Variants in DCLK2 observed in about 807,000 individuals in gnomAD.
The protein encoded by DCLK2 is doublecortin like kinase 2.
Under a neutral mutation model 78.4 loss-of-function variants are expected in DCLK2, and 31 were observed. The ratio of observed to expected loss-of-function variants is 0.40; its 90% CI spans 0.30 to 0.53. The LOEUF (loss-of-function observed/expected upper bound fraction) is 0.53, where lower values mean the gene tolerates loss of function less well. DCLK2 is among the 20% of genes least tolerant of loss of function. The pLI is 0.61. For synonymous variants in DCLK2, 407 were observed against 374.9 expected (o/e 1.09, Z -0.99); for missense variants, 872 against 973.7 (o/e 0.90, Z 1.39).
chr4:150,220,252 CA>C (rs1423311704), intron 5 of DCLK2, among the ~76,000 whole-genome samples: 1 of 152,004 alleles, frequency 6.6e-6, no homozygotes, highest in Non-Finnish European at 1.5e-5. Context: ...AACAGAACAA[CA>C]AAAAAATTAA....
At chr4:150,100,590 G>A (rs1349678596) in intron 1 of DCLK2, among the ~76,000 whole-genome samples, 1 of 151,692 alleles carries the variant, frequency 6.6e-6, no homozygotes, top group African/African-American at 2.4e-5. Flanking sequence ...CTTATATTTT[G>A]AATCGAAAAT....
intron 2 of DCLK2, among the ~76,000 whole-genome samples, chr4:150,164,235 G>A (rs945359212): frequency 6.6e-6 from 1 of 152,224 alleles, no homozygotes; most frequent in Non-Finnish European, 1.5e-5. Flanking sequence ...GACTTTGGCT[G>A]TTACTGATGA....
At chr4:150,121,019 C>T (rs1375950731) in intron 2 of DCLK2, among the ~76,000 whole-genome samples, 4 of 151,944 alleles carry the variant, frequency 2.6e-5, no homozygotes, top group Non-Finnish European at 4.4e-5. Context: ...TGCAGTGAAC[C>T]GAGACTGCGC....
intron 5 of DCLK2, among the ~76,000 whole-genome samples, chr4:150,216,177 A>G (rs1455586631): frequency 6.6e-6 from 1 of 152,208 alleles, no homozygotes; most frequent in Non-Finnish European, 1.5e-5. Flanking sequence ...TCTGCTTATC[A>G]AAGAAGTTTA....
chr4:150,109,274 A>T (rs1328854403), intron 2 of DCLK2, among the ~76,000 whole-genome samples: 1 of 152,014 alleles, frequency 6.6e-6, no homozygotes, highest in Non-Finnish European at 1.5e-5. Context: ...ATTTTTCCTT[A>T]AAGTAGGTAA....
At chr4:150,168,044 G>A (rs114204668) in intron 2 of DCLK2, among the ~76,000 whole-genome samples, 8,636 of 152,218 alleles carry the variant, frequency 0.057, 387 homozygotes, top group Middle Eastern at 0.17. Context: ...GCATGCCAAC[G>A]TGTAAAACCC....
intron 1 of DCLK2, among the ~76,000 whole-genome samples, chr4:150,090,354 C>T (rs1398791584): frequency 6.6e-6 from 1 of 152,182 alleles, no homozygotes; most frequent in Non-Finnish European, 1.5e-5. Context: ...TGTGGTGATC[C>T]AAGATCGCGC....
chr4:150,147,511 G>A (rs1734565058), intron 2 of DCLK2, among the ~76,000 whole-genome samples: 1 of 152,164 alleles, frequency 6.6e-6, no homozygotes, highest in Non-Finnish European at 1.5e-5. Flanking sequence ...GAAAGTGCAA[G>A]CATCAAAAAT....
chr4:150,080,097 C>G (rs1729133878), intron 1 of DCLK2, among the ~76,000 whole-genome samples: 1 of 146,900 alleles, frequency 6.8e-6, no homozygotes, highest in Admixed American at 6.8e-5. Context: ...GGTTAGGCGT[C>G]TGGAGTCTCA....
intron 1 of DCLK2, among the ~76,000 whole-genome samples, chr4:150,085,294 C>T (rs1216165730): frequency 1.3e-5 from 2 of 152,276 alleles, no homozygotes; most frequent in South Asian, 2.1e-4. Flanking sequence ...CAGAATACCA[C>T]AGACTAGGTA....
chr4:150,079,234 G>A lies in DCLK2; in HGVS notation c.207G>A (p.Lys69=), dbSNP rs533625272. Residue 69 remains lysine (K), a synonymous_variant, in exon 1 of 16, where the codon AAG becomes AAA. Coordinates refer to ENST00000296550, the MANE Select transcript of DCLK2 (RefSeq NM_001040260.4). ...CCCTGCAGGCCCTCAGCTCGGAGAA[G>A]AAGGCCAAGAAGGCGCGCTTCTACC... The part of the protein sequence containing the change: ...TRTLQALSSE[K]KAKKARFYRN... 3 of 1,609,394 alleles carry A rather than the reference G, an allele frequency of 1.9e-6. No individual in the cohort carries two copies. The highest frequency in any genetic ancestry group is 2.2e-5 in the East Asian group (1 of 44,560).
At chr4:150,210,424 A>G (rs971069022) in intron 5 of DCLK2, among the ~76,000 whole-genome samples, 3 of 152,150 alleles carry the variant, frequency 2.0e-5, no homozygotes, top group Non-Finnish European at 2.9e-5. Flanking sequence ...TCTATCACCA[A>G]CTTTTCCTCT....
intron 1 of DCLK2, among the ~76,000 whole-genome samples, chr4:150,093,360 C>CA (rs1327540240): frequency 6.6e-6 from 1 of 152,140 alleles, no homozygotes; most frequent in East Asian, 1.9e-4. Context: ...AGATTCAATG[C>CA]AATTATGAAA....
At chr4:150,135,144 C>T (rs920740117) in intron 2 of DCLK2, among the ~76,000 whole-genome samples, 8 of 137,626 alleles carry the variant, frequency 5.8e-5, no homozygotes, top group African/African-American at 2.0e-4. Context: ...GGAAAAAAAA[C>T]ACCTGCCTCT....
intron 4 of DCLK2, among the ~76,000 whole-genome samples, chr4:150,198,481 A>AT (rs1739225113): frequency 9.3e-6 from 1 of 108,068 alleles, no homozygotes; most frequent in Non-Finnish European, 2.5e-5. Flanking sequence ...GCACATGCAC[A>AT]CACTCTGCCC....
At chr4:150,099,984 C>T (rs1417459463) in intron 1 of DCLK2, among the ~76,000 whole-genome samples, 2 of 152,202 alleles carry the variant, frequency 1.3e-5, no homozygotes, top group African/African-American at 4.8e-5. Context: ...GAGATTATAT[C>T]TCTCTGTAGC....
intron 2 of DCLK2, among the ~76,000 whole-genome samples, chr4:150,113,182 C>G (rs536437230): frequency 7.9e-5 from 12 of 152,062 alleles, no homozygotes; most frequent in Non-Finnish European, 1.6e-4. Flanking sequence ...CTGTGTTCGT[C>G]AGGGATATTG....
intron 2 of DCLK2, among the ~76,000 whole-genome samples, chr4:150,180,595 TC>T (rs1377880086): frequency 2.0e-5 from 3 of 152,160 alleles, no homozygotes; most frequent in Admixed American, 6.5e-5. Flanking sequence ...TCTTCTGACT[TC>T]TTCACCTGAG....
chr4:150,150,907 T>G (rs1283226318), intron 2 of DCLK2, among the ~76,000 whole-genome samples: 2 of 152,214 alleles, frequency 1.3e-5, no homozygotes, highest in African/African-American at 2.4e-5. Context: ...GACAGGCTCC[T>G]TTCTTCTCTC....
Sources: allele counts gnomAD v4.1 joint callset (sites outside exome capture counted in the v4.1 genomes callset), GRCh38; gene constraint gnomAD v4.1.1; transcripts MANE v1.5; gene names NCBI Gene and HGNC (gene_info 2026-07-23, HGNC 2026-07-21).